The following IL1RAPL1 variants were observed in gnomAD, a reference collection of about 807,000 sequenced individuals.
The protein encoded by IL1RAPL1 is interleukin-1 receptor accessory protein-like 1.
Under a neutral mutation model 48.4 loss-of-function variants are expected in IL1RAPL1, and 3 were observed. The observed-to-expected ratio is 0.06, with a 90% CI of 0.03 to 0.16. The LOEUF (loss-of-function observed/expected upper bound fraction) is 0.16, where lower values mean the gene tolerates loss of function less well. IL1RAPL1 is among the 10% of genes least tolerant of loss of function. The pLI, the probability that IL1RAPL1 is intolerant of heterozygous loss-of-function variation, is 1.00. For synonymous variants in IL1RAPL1, 185 were observed against 187.7 expected, an observed-to-expected ratio of 0.99 and a Z score of 0.12; for missense variants, 349 against 530.6, an observed-to-expected ratio of 0.66 and a Z score of 3.36.
At chrX:29,597,693 G>A (rs1246180173) in intron 5 of IL1RAPL1, among the ~76,000 whole-genome samples, 1 of 111,833 alleles carries the variant, frequency 8.9e-6, no homozygotes, top group Non-Finnish European at 1.9e-5. Context: ...CAGTTCTTAA[G>A]TTACATTTCA....
At chrX:29,570,770 C>T (rs1011574038) in intron 5 of IL1RAPL1, among the ~76,000 whole-genome samples, 8 of 112,155 alleles carry the variant, frequency 7.1e-5, no homozygotes, top group Admixed American at 9.4e-5. Flanking sequence ...CTGAGCACTA[C>T]GTTACATTGA....
At chrX:29,904,223 TCA>T (rs1462960376) in intron 6 of IL1RAPL1, among the ~76,000 whole-genome samples, 1 of 111,338 alleles carries the variant, frequency 9.0e-6, no homozygotes, top group Non-Finnish European at 1.9e-5. Context: ...GCTCTCTGAA[TCA>T]CATACTAGAA....
chrX:28,687,795 A>AAG (rs1935129375), intron 1 of IL1RAPL1, among the ~76,000 whole-genome samples: 1 of 103,147 alleles, frequency 9.7e-6, no homozygotes, highest in African/African-American at 3.6e-5. Context: ...AAAAAAAAAA[A>AAG]AAAATAAAAT....
chrX:29,763,407 G>A (rs1928801342), intron 6 of IL1RAPL1, among the ~76,000 whole-genome samples: 1 of 111,218 alleles, frequency 9.0e-6, no homozygotes, highest in African/African-American at 3.3e-5. Context: ...TATATAATGT[G>A]TGTTTGTATA....
intron 2 of IL1RAPL1, among the ~76,000 whole-genome samples, chrX:29,250,993 G>A (rs186872866): frequency 1.1e-5 from 1 of 87,819 alleles, no homozygotes; most frequent in African/African-American, 3.6e-5. Flanking sequence ...ACATTTTTTT[G>A]GATCACTTCT....
intron 1 of IL1RAPL1, among the ~76,000 whole-genome samples, chrX:28,747,618 GC>G (rs2146956142): frequency 8.9e-6 from 1 of 112,174 alleles, no homozygotes; most frequent in East Asian, 2.8e-4. Context: ...CCCGGCCTGG[GC>G]GACAGAGTGA....
intron 6 of IL1RAPL1, among the ~76,000 whole-genome samples, chrX:29,854,927 C>T (rs1368335356): frequency 9.1e-6 from 1 of 109,717 alleles, no homozygotes; most frequent in Non-Finnish European, 1.9e-5. Flanking sequence ...ACAAAATTAA[C>T]GGGAGGTATT....
At chrX:29,794,500 A>G (rs1477426400) in intron 6 of IL1RAPL1, among the ~76,000 whole-genome samples, 3 of 112,161 alleles carry the variant, frequency 2.7e-5, no homozygotes, top group African/African-American at 9.7e-5. Flanking sequence ...GTGGTATGCT[A>G]AAATTAAAGC....
intron 2 of IL1RAPL1, among the ~76,000 whole-genome samples, chrX:28,869,205 C>T (rs951664801): frequency 8.9e-6 from 1 of 112,115 alleles, no homozygotes; most frequent in African/African-American, 3.2e-5. Flanking sequence ...GTGTGTGTTT[C>T]CTCTAAATTC....
At chrX:29,026,997 G>C (rs1017247676) in intron 2 of IL1RAPL1, among the ~76,000 whole-genome samples, 16 of 111,847 alleles carry the variant, frequency 1.4e-4, no homozygotes, top group Non-Finnish European at 3.0e-4. Flanking sequence ...TCCTCTACCA[G>C]AGTGGTACAG....
intron 2 of IL1RAPL1, among the ~76,000 whole-genome samples, chrX:29,154,273 T>TTCAC (rs1374941375): frequency 9.0e-6 from 1 of 111,542 alleles, no homozygotes; most frequent in African/African-American, 3.3e-5. Context: ...GGTGCGGTGG[T>TTCAC]TCACTCCTGT....
At chrX:29,047,783 G>A (rs1927005578) in intron 2 of IL1RAPL1, among the ~76,000 whole-genome samples, 1 of 108,312 alleles carries the variant, frequency 9.2e-6, no homozygotes, top group Admixed American at 1.0e-4. Context: ...GAGTACAGTG[G>A]TGTGATCTCA....
intron 5 of IL1RAPL1, among the ~76,000 whole-genome samples, chrX:29,667,779 C>A (rs1175906060): frequency 8.9e-6 from 1 of 111,971 alleles, no homozygotes; most frequent in Non-Finnish European, 1.9e-5. Flanking sequence ...GTATATCATG[C>A]AAATTAGCAA....
chrX:29,523,276 A>G (rs1935520744), intron 5 of IL1RAPL1, among the ~76,000 whole-genome samples: 1 of 111,343 alleles, frequency 9.0e-6, no homozygotes, highest in Non-Finnish European at 1.9e-5. Context: ...ATACTTTACT[A>G]TTGAACTTGC....
intron 2 of IL1RAPL1, among the ~76,000 whole-genome samples, chrX:29,098,250 C>A (rs1928258289): frequency 9.0e-6 from 1 of 110,896 alleles, no homozygotes; most frequent in African/African-American, 3.3e-5. Flanking sequence ...TGTTAGTCAT[C>A]CCCATTCCAT....
At chrX:28,724,304 ATAGT>A (rs919910666) in intron 1 of IL1RAPL1, among the ~76,000 whole-genome samples, 2 of 111,724 alleles carry the variant, frequency 1.8e-5, no homozygotes, top group Non-Finnish European at 3.8e-5. Flanking sequence ...TATATTTAAG[ATAGT>A]TAGATCTTCT....
At chrX:29,864,826 G>A (rs1357968433) in intron 6 of IL1RAPL1, among the ~76,000 whole-genome samples, 1 of 111,957 alleles carries the variant, frequency 8.9e-6, no homozygotes, top group East Asian at 2.8e-4. Context: ...TAGCTTGTTC[G>A]TAAATGTCTA....
intron 6 of IL1RAPL1, among the ~76,000 whole-genome samples, chrX:29,770,052 A>G (rs1929022045): frequency 8.9e-6 from 1 of 112,544 alleles, no homozygotes; most frequent in African/African-American, 3.2e-5. Flanking sequence ...ATGGTTGGCT[A>G]TATTTAAAAG....
At chrX:29,405,558 G>C (rs1184617510) in intron 5 of IL1RAPL1, among the ~76,000 whole-genome samples, 1 of 101,404 alleles carries the variant, frequency 9.9e-6, no homozygotes, top group African/African-American at 4.3e-5. Context: ...AGTAGAGACG[G>C]GGTTTCACCG....
Sources: gnomAD v4.1 joint callset for allele counts (sites outside exome capture counted in the v4.1 genomes callset) on GRCh38, gnomAD v4.1.1 for gene constraint, MANE v1.5 for transcripts, NCBI Gene and HGNC (gene_info 2026-07-23, HGNC 2026-07-21) for gene names.